Variants in IL2RB observed in about 807,000 individuals in gnomAD.
IL2RB encodes interleukin-2 receptor subunit beta.
A neutral mutation model predicts 44.2 loss-of-function variants in IL2RB; 17 were observed. The observed-to-expected ratio is 0.38, with a 90% CI of 0.26 to 0.58. IL2RB has a LOEUF of 0.58. Among genes scored for constraint, IL2RB ranks in the 20% least tolerant of loss-of-function variants. IL2RB has a pLI of 0.63. For missense variants in IL2RB, 624 were observed against 685.5 expected, an observed-to-expected ratio of 0.91 and a Z score of 1.00; for synonymous variants, 286 against 297.9, an observed-to-expected ratio of 0.96 and a Z score of 0.41.
rs528844032 is a variant in IL2RB at position 37,127,729 on chromosome 22, G to C, written c.*367C>G. 58 of 169,608 alleles carry C rather than the reference G, an allele frequency of 3.4e-4. 1 individual carries two copies. The highest frequency in any genetic ancestry group is 1.3e-3 in the African/African-American group (56 of 42,254). The allele number at this position is 169,608 out of a possible 1,614,324, so 10.5% of individuals were successfully genotyped here. A position where few individuals can be genotyped will look rare whatever the true frequency, so the allele number is the denominator to read the frequency against. On this transcript the variant is annotated 3_prime_UTR_variant, in exon 10 of 10. Transcript: ENST00000216223. ...GCTGGGGCAGAAAACCCAGGGAAGA[G>C]GTCAGGGCAGGGAGCCCTGGAGAGC...
At chr22:37,161,754 G>T (rs1207078966) in intron 1 of IL2RB, 1 of 152,248 alleles carries the variant, frequency 6.6e-6, no homozygotes, top group Middle Eastern at 3.4e-3. Flanking sequence ...CTGGGTTCCA[G>T]ACCACAGGCT....
rs543241970 is a variant in IL2RB, at chr22:37,128,055, G to A, written c.*41C>T. 6.5e-5 allele frequency: 95 copies of A among 1,463,938 alleles called. No individual in the cohort carries two copies. In the Admixed American group the frequency reaches 9.7e-4, roughly 15 times the overall value. The allele number at this position is 1,463,938 out of a possible 1,614,324, so 90.7% of individuals were successfully genotyped here. A position where few individuals can be genotyped will look rare whatever the true frequency, so the allele number is the denominator to read the frequency against. ...CAACAGGGTCCTTCTGAGGCTCGGC[G>A]CAGAGCAGGCAGCTGCCTGCCTCCC... On this transcript the variant is annotated 3_prime_UTR_variant, in exon 10 of 10. Coordinates refer to ENST00000216223, the MANE Select transcript of IL2RB (RefSeq NM_000878.5). The surrounding 1 kb of genome is among the most constrained non-coding windows in gnomAD (Gnocchi z 4.5).
At chr22:37,142,266 G>T (rs1483014459) in intron 4 of IL2RB, among the ~76,000 whole-genome samples, 168 bp downstream of exon 4, 1 of 152,186 alleles carries the variant, frequency 6.6e-6, no homozygotes, top group African/African-American at 2.4e-5. Flanking sequence ...TCCCTGGGGT[G>T]TCACCTGTTT....
At chr22:37,135,511 C>T in intron 7 of IL2RB, 69 bp from the exon 8 acceptor site, 1 of 905,370 alleles carries the variant, frequency 1.1e-6, no homozygotes, top group Non-Finnish European at 1.8e-6. Flanking sequence ...CTGGGTCGGT[C>T]ACCCCAACAC....
In IL2RB at chr22:37,128,388, A is replaced by G; in HGVS notation, c.1364T>C (p.Met455Thr). 1 of 1,510,232 alleles carries G rather than the reference A, an allele frequency of 6.6e-7. No homozygotes were observed. The highest frequency in any genetic ancestry group is 8.8e-7 in the Non-Finnish European group (1 of 1,130,416). The allele number at this position is 1,510,232 out of a possible 1,614,324, so 93.6% of individuals were successfully genotyped here. A position where few individuals can be genotyped will look rare whatever the true frequency, so the allele number is the denominator to read the frequency against. The change falls in exon 10 of 10, where the codon ATG becomes ACG. Residue 455 changes from methionine (M) to threonine (T), a missense_variant. By Grantham distance (81) the Met-to-Thr change is moderately conservative (BLOSUM62 -1). Transcript: ENST00000216223. This position sits in a 1 kb window ranked among gnomAD's most constrained non-coding sequence, Gnocchi z 4.5. ...PGGSGAGEER[M>T]PPSLQERVPR... ...GACTCTTTCTTGCAAAGAAGGGGGC[A>G]TCCTCTCTTCACCGGCCCCACTGCC... is the stretch of plus-strand genomic sequence containing the variant.
chr22:37,169,030 AGAGGAGTT>A (rs1923174724), intron 1 of IL2RB, among the ~76,000 whole-genome samples: 1 of 151,612 alleles, frequency 6.6e-6, no homozygotes, highest in Admixed American at 6.6e-5. Flanking sequence ...TCTTGTTTAC[AGAGGAGTT>A]CTGTTTACAG....
intron 1 of IL2RB, among the ~76,000 whole-genome samples, chr22:37,173,146 C>G (rs1923344567): frequency 6.6e-6 from 1 of 152,204 alleles, no homozygotes; most frequent in African/African-American, 2.4e-5. Flanking sequence ...ATATTGGCCC[C>G]TCCACCAGCT....
At chr22:37,144,501 T>C (rs1922133417) in intron 1 of IL2RB, among the ~76,000 whole-genome samples, 2 of 152,106 alleles carry the variant, frequency 1.3e-5, no homozygotes, top group Admixed American at 1.3e-4. Context: ...TCCCAGCACT[T>C]TGGGAGGTCG....
intron 1 of IL2RB, among the ~76,000 whole-genome samples, chr22:37,155,805 C>T (rs1325195039): frequency 2.6e-5 from 4 of 152,202 alleles, no homozygotes; most frequent in Non-Finnish European, 4.4e-5. Context: ...ACTTCTCTTA[C>T]GTCTTCCACA....
At chr22:37,158,204 G>A (rs1385350484) in intron 1 of IL2RB, among the ~76,000 whole-genome samples, 2 of 152,148 alleles carry the variant, frequency 1.3e-5, no homozygotes. Flanking sequence ...GACAGGTGAT[G>A]AGCAAATTAG....
At chr22:37,156,710 G>A (rs1191609997) in intron 1 of IL2RB, among the ~76,000 whole-genome samples, 1 of 152,246 alleles carries the variant, frequency 6.6e-6, no homozygotes, top group Non-Finnish European at 1.5e-5. Flanking sequence ...CCAAGCTGCA[G>A]AGGAGGCTGG....
intron 1 of IL2RB, 118 bp from the exon 2 acceptor site, chr22:37,144,323 C>A (rs1922125030): frequency 7.7e-7 from 1 of 1,297,966 alleles, no homozygotes; most frequent in East Asian, 2.6e-5. Context: ...TCGGTGCCAG[C>A]TCAGTCCAGC....
upstream of IL2RB, among the ~76,000 whole-genome samples, chr22:37,154,246 T>C (rs191108897): frequency 2.7e-3 from 413 of 152,246 alleles, 1 homozygote; most frequent in African/African-American, 9.6e-3. Flanking sequence ...TTGTCAAGGG[T>C]CCTAGCCCAG....
intron 6 of IL2RB, among the ~76,000 whole-genome samples, chr22:37,136,637 A>T (rs967317682): frequency 6.6e-6 from 1 of 151,536 alleles, no homozygotes; most frequent in African/African-American, 2.4e-5. Context: ...GCCATTCCAG[A>T]ACCATCCCCC....
At chr22:37,134,067 C>T (rs970555852) in intron 8 of IL2RB, among the ~76,000 whole-genome samples, 2 of 152,096 alleles carry the variant, frequency 1.3e-5, no homozygotes, top group Non-Finnish European at 2.9e-5. Context: ...CTGATACAGT[C>T]AGCACTCAGG....
chr22:37,128,762 C>T lies in IL2RB; in HGVS notation c.990G>A (p.Arg330=), dbSNP rs1921273488. The T allele has an allele frequency of 1.2e-6, 2 of 1,614,106 alleles. No homozygotes were observed. The highest frequency in any genetic ancestry group is 1.1e-5 in the South Asian group (1 of 91,082). The change falls in exon 10 of 10, where the codon AGG becomes AGA. Residue 330 remains arginine, a synonymous_variant. Coordinates refer to ENST00000216223, the MANE Select transcript of IL2RB (RefSeq NM_000878.5). The surrounding 1 kb of genome is among the most constrained non-coding windows in gnomAD (Gnocchi z 4.5). ...GCAGGAGCAGCTGCGTCACCTTGTCCCTCTCCAGCACTTCTAGTGGCGAGA... is the reference window on the plus strand; with the variant it reads ...GCAGGAGCAGCTGCGTCACCTTGTCTCTCTCCAGCACTTCTAGTGGCGAGA... ...PEISPLEVLE[R]DKVTQLLLQQ...
chr22:37,136,175 C>T, intron 7 of IL2RB, 53 bp downstream of exon 7: 1 of 1,553,960 alleles, frequency 6.4e-7, no homozygotes, highest in Non-Finnish European at 8.7e-7. Context: ...AGCTCCTCCT[C>T]CAGCCGCCCC....
intron 1 of IL2RB, among the ~76,000 whole-genome samples, chr22:37,157,558 T>C (rs915059698): frequency 2.0e-5 from 3 of 152,216 alleles, no homozygotes; most frequent in South Asian, 4.1e-4. Context: ...TGCCTGGGAC[T>C]GAGGGGGGTT....
chr22:37,156,929 T>C (rs187032044), intron 1 of IL2RB, among the ~76,000 whole-genome samples: 3 of 152,264 alleles, frequency 2.0e-5, no homozygotes, highest in African/African-American at 7.2e-5. Context: ...CCCTGCTCGG[T>C]GCTGTGACCT....
Sources: allele counts gnomAD v4.1 joint callset (sites outside exome capture counted in the v4.1 genomes callset), GRCh38; gene constraint gnomAD v4.1.1; non-coding constraint Gnocchi (gnomAD v3.1); transcripts MANE v1.5; gene names NCBI Gene and HGNC (gene_info 2026-07-23, HGNC 2026-07-21).